Variants in SGCG observed in about 807,000 individuals in gnomAD.
The protein encoded by SGCG is gamma-sarcoglycan.
SGCG carries 26 observed loss-of-function variants against 29.3 expected under a neutral mutation model. The observed-to-expected ratio is 0.89, with a 90% CI of 0.65 to 1.23. The LOEUF is 1.23. Among genes scored for constraint, SGCG ranks in the 50% most tolerant of loss-of-function variants. The probability of loss-of-function intolerance (pLI) is 0.00; values close to 1 mark genes in which losing one functional copy is unlikely to be tolerated. For synonymous variants in SGCG, 145 were observed against 129.7 expected, an observed-to-expected ratio of 1.12 and a Z score of -0.80; for missense variants, 353 against 356.0, an observed-to-expected ratio of 0.99 and a Z score of 0.07.
At chr13:23,229,488 C>A (rs76784641) in intron 2 of SGCG, among the ~76,000 whole-genome samples, 14,396 of 152,238 alleles carry the variant, frequency 0.095, 826 homozygotes, top group South Asian at 0.19. Flanking sequence ...TTTAATAATA[C>A]CCATTCTGAC....
chr13:23,191,627 A>T (rs1565993648), intron 1 of SGCG, among the ~76,000 whole-genome samples: 2 of 152,172 alleles, frequency 1.3e-5, no homozygotes, highest in African/African-American at 2.4e-5. Flanking sequence ...ATCCTTGTAG[A>T]GCTAAATAAG....
intron 1 of SGCG, among the ~76,000 whole-genome samples, chr13:23,196,379 G>A (rs1228429707): frequency 2.8e-5 from 2 of 71,196 alleles, no homozygotes; most frequent in African/African-American, 1.2e-4. Context: ...TCTTTTGGGG[G>A]GGTTATTGTT....
At chr13:23,179,649 T>C (rs1876666477), upstream of SGCG, among the ~76,000 whole-genome samples, 1 of 152,230 alleles carries the variant, frequency 6.6e-6, no homozygotes, top group Non-Finnish European at 1.5e-5. Flanking sequence ...GAAGTACTAA[T>C]GTGCAGAGAA....
At chr13:23,215,665 C>G (rs1056632432) in intron 2 of SGCG, among the ~76,000 whole-genome samples, 1 of 151,820 alleles carries the variant, frequency 6.6e-6, no homozygotes, top group Non-Finnish European at 1.5e-5. Flanking sequence ...TACCTGCTAC[C>G]CTGTTAAACT....
At chr13:23,219,175 G>A (rs1878557020) in intron 2 of SGCG, among the ~76,000 whole-genome samples, 1 of 151,712 alleles carries the variant, frequency 6.6e-6, no homozygotes, top group South Asian at 2.1e-4. Context: ...AGCCTCCCGA[G>A]TAGCTGGGAC....
At chr13:23,179,711 A>G (rs780736689), upstream of SGCG, among the ~76,000 whole-genome samples, 1 of 152,236 alleles carries the variant, frequency 6.6e-6, no homozygotes, top group Non-Finnish European at 1.5e-5. Flanking sequence ...TTGAAGCTGT[A>G]TCAGCTTGTA....
At chr13:23,195,213 G>A (rs1465004852) in intron 1 of SGCG, among the ~76,000 whole-genome samples, 10 of 152,162 alleles carry the variant, frequency 6.6e-5, no homozygotes, top group South Asian at 4.2e-4. Flanking sequence ...TCTGGATGTT[G>A]GTATTATTCT....
At chr13:23,185,933 G>A (rs909720536) in intron 1 of SGCG, among the ~76,000 whole-genome samples, 1 of 152,200 alleles carries the variant, frequency 6.6e-6, no homozygotes, top group Non-Finnish European at 1.5e-5. Context: ...AGATCCTCTT[G>A]CTTTGTTTAC....
At chr13:23,210,559 C>T (rs1192018474) in intron 2 of SGCG, among the ~76,000 whole-genome samples, 4 of 151,990 alleles carry the variant, frequency 2.6e-5, no homozygotes, top group African/African-American at 7.3e-5. Flanking sequence ...GGCGTGGTGG[C>T]GGGCGCCTGT....
rs199709553 is a variant in SGCG at position 23,324,324 on chromosome 13, G to T, written c.703-44G>T. ...GAATGGGGATTTGCTGCTGACCAGG[G>T]TGGCCCTTCCTTAACTCTTCGTCTC... On this transcript the variant is annotated intron_variant, in intron 7 of 7. Transcript: ENST00000218867. The T allele has an allele frequency of 4.9e-5, 78 of 1,584,636 alleles. No individual in the cohort carries two copies. In the Middle Eastern group the frequency reaches 5.0e-4, roughly 10 times the overall value.
At chr13:23,169,719 C>CAG in the SGCG span, 6 of 113,080 alleles carry the variant, frequency 5.3e-5, no homozygotes, top group Non-Finnish European at 1.2e-4. Context: ...CACACACACA[C>CAG]ACACACACAC....
At chr13:23,304,708 A>T (rs9578578) in intron 6 of SGCG, among the ~76,000 whole-genome samples, 4,960 of 152,104 alleles carry the variant, frequency 0.033, 253 homozygotes, top group African/African-American at 0.11. Context: ...GGTTCAAGCG[A>T]TTCTCCTGCC....
intron 2 of SGCG, among the ~76,000 whole-genome samples, chr13:23,233,716 GA>G (rs1251224403): frequency 6.6e-6 from 1 of 151,928 alleles, no homozygotes; most frequent in African/African-American, 2.4e-5. Flanking sequence ...TTAAAATTTG[GA>G]AAAAAATGGA....
chr13:23,191,656 G>A (rs754102797), intron 1 of SGCG, among the ~76,000 whole-genome samples: 2 of 152,190 alleles, frequency 1.3e-5, no homozygotes, highest in African/African-American at 4.8e-5. Flanking sequence ...TTGACATTCA[G>A]TCTGGTTTAT....
At chr13:23,256,774 A>G (rs1339489845) in intron 4 of SGCG, among the ~76,000 whole-genome samples, 1 of 152,170 alleles carries the variant, frequency 6.6e-6, no homozygotes, top group Non-Finnish European at 1.5e-5. Context: ...AATCCAGTCT[A>G]TCATTGATGG....
intron 6 of SGCG, among the ~76,000 whole-genome samples, chr13:23,308,425 C>T (rs1882434186): frequency 6.6e-6 from 1 of 152,136 alleles, no homozygotes; most frequent in Non-Finnish European, 1.5e-5. Flanking sequence ...GTGCCCTATT[C>T]TCGTCTGTTG....
chr13:23,168,792 G>A, the SGCG span, among the ~76,000 whole-genome samples: 59,254 of 151,768 alleles, frequency 0.39, 12,137 homozygotes, highest in Non-Finnish European at 0.45. Context: ...TGATTGATAG[G>A]CATCTGCTAT....
intron 7 of SGCG, among the ~76,000 whole-genome samples, chr13:23,322,623 C>G (rs1883077140): frequency 6.6e-6 from 1 of 152,188 alleles, no homozygotes; most frequent in South Asian, 2.1e-4. Flanking sequence ...TCAGGTGCAT[C>G]TCCATACACC....
At chr13:23,183,469 G>A (rs927769179) in intron 1 of SGCG, among the ~76,000 whole-genome samples, 7 of 152,046 alleles carry the variant, frequency 4.6e-5, no homozygotes, top group African/African-American at 1.7e-4. Context: ...TCTGCACGCA[G>A]CCATGGCTGC....
Sources: allele counts gnomAD v4.1 joint callset (sites outside exome capture counted in the v4.1 genomes callset), GRCh38; gene constraint gnomAD v4.1.1; transcripts MANE v1.5; gene names NCBI Gene and HGNC (gene_info 2026-07-23, HGNC 2026-07-21).